The following DNAAF1 variants were observed in gnomAD, a reference collection of about 807,000 sequenced individuals.
DNAAF1 encodes the protein dynein assembly factor 1, axonemal.
In DNAAF1, 65 loss-of-function variants were observed where a neutral mutation model predicts 71.1. The ratio of observed to expected loss-of-function variants is 0.91; its 90% CI spans 0.75 to 1.12. The LOEUF (loss-of-function observed/expected upper bound fraction) is 1.12, where lower values mean the gene tolerates loss of function less well. Ranked by LOEUF, DNAAF1 falls within the 50% of genes most tolerant of loss-of-function variation. DNAAF1 has a pLI of 0.00. For synonymous variants in DNAAF1, 414 were observed against 354.6 expected, an observed-to-expected ratio of 1.17 and a Z score of -1.88; for missense variants, 1,178 against 899.8, an observed-to-expected ratio of 1.31 and a Z score of -3.96.
chr16:84,168,509 C>T (rs1351550069), intron 7 of DNAAF1, among the ~76,000 whole-genome samples: 1 of 152,126 alleles, frequency 6.6e-6, no homozygotes, highest in Non-Finnish European at 1.5e-5. Context: ...AACTCCTGGC[C>T]TCAAGCAGTC....
chr16:84,153,323 A>G (rs1597413141), intron 3 of DNAAF1, among the ~76,000 whole-genome samples: 2 of 152,360 alleles, frequency 1.3e-5, no homozygotes, highest in East Asian at 3.9e-4. Flanking sequence ...TGACCTATGC[A>G]GCAAACCACA....
At chr16:84,147,099 T>C (rs1398817139) in intron 1 of DNAAF1, among the ~76,000 whole-genome samples, 1 of 152,240 alleles carries the variant, frequency 6.6e-6, no homozygotes, top group Non-Finnish European at 1.5e-5. Context: ...TCTCCTCATC[T>C]GTAAGCTGGA....
At chr16:84,150,053 G>A (rs763073917) in intron 2 of DNAAF1, among the ~76,000 whole-genome samples, 198 bp from the exon 3 acceptor site, 65 of 151,586 alleles carry the variant, frequency 4.3e-4, no homozygotes, top group Non-Finnish European at 7.8e-4. Context: ...AATAATATTC[G>A]ATGAGGCCCT....
At position 84,155,622 on chromosome 16, in the gene DNAAF1, A is replaced by G. The variant is rs1035803184; in HGVS notation, c.614A>G (p.Asn205Ser). 5.6e-6 allele frequency: 9 copies of G among 1,614,000 alleles called. No individual in the cohort carries two copies. The highest frequency in any genetic ancestry group is 7.6e-6 in the Non-Finnish European group (9 of 1,180,028). ...PVLNTLQMAH[N>S]HLETVEDIQH... Reference sequence around the variant, plus strand: ...CTGAACACATTGCAGATGGCCCACAATCACCTGGAGACCGTGGAGGACATT... The same window carrying G: ...CTGAACACATTGCAGATGGCCCACAGTCACCTGGAGACCGTGGAGGACATT... Residue 205 changes from asparagine (N) to serine (S), a missense_variant, in exon 5 of 12, where the codon AAT becomes AGT. Asn to Ser is a conservative substitution (Grantham distance 46). Coordinates refer to ENST00000378553, the MANE Select transcript of DNAAF1 (RefSeq NM_178452.6).
chr16:84,167,088 A>G (rs2088048737), intron 7 of DNAAF1, among the ~76,000 whole-genome samples: 1 of 152,174 alleles, frequency 6.6e-6, no homozygotes, highest in Non-Finnish European at 1.5e-5. Context: ...TTCTAACAGA[A>G]TGGCTATAAA....
chr16:84,168,037 A>C (rs1230930878), intron 7 of DNAAF1, among the ~76,000 whole-genome samples: 1 of 152,002 alleles, frequency 6.6e-6, no homozygotes, highest in East Asian at 1.9e-4. Context: ...AAAACCCCAC[A>C]AATCTGTTTT....
chr16:84,163,363 T>A (rs1471396705), intron 6 of DNAAF1, among the ~76,000 whole-genome samples: 2 of 147,598 alleles, frequency 1.4e-5, no homozygotes, highest in East Asian at 2.0e-4. Flanking sequence ...GTCTTTTTTT[T>A]CCTCTCTCTC....
At chr16:84,150,164 A>G (rs1597401875) in intron 2 of DNAAF1, 87 bp from the exon 3 acceptor site, 1 of 975,798 alleles carries the variant, frequency 1.0e-6, no homozygotes, top group Non-Finnish European at 1.6e-6. Flanking sequence ...AATTTTGGGC[A>G]GGAATGGATG....
chr16:84,150,024 C>CAA (rs1256195166), intron 2 of DNAAF1, among the ~76,000 whole-genome samples: 1 of 117,362 alleles, frequency 8.5e-6, no homozygotes, highest in African/African-American at 3.2e-5. Context: ...GACTCTGTCT[C>CAA]AAAAAAAAAA....
intron 8 of DNAAF1, 21 bp downstream of exon 8, chr16:84,170,377 C>A: frequency 1.2e-6 from 2 of 1,613,340 alleles, no homozygotes; most frequent in Non-Finnish European, 1.7e-6. Flanking sequence ...CGGAGAAACA[C>A]ACACAGACAC....
Position 84,155,722 on chromosome 16 carries a change from GA to G in DNAAF1, c.715del (p.Ser239AlafsTer12), listed in dbSNP as rs758650222. 7.4e-6 allele frequency: 12 copies of G among 1,613,974 alleles called. No homozygotes were observed. The highest frequency in any genetic ancestry group is 9.3e-6 in the Non-Finnish European group (11 of 1,180,028). ...HNKLSDPEIL[S>X]ILESMPDLRV... ...ACAAGCTGAGTGACCCGGAGATCCTGAGCATTCTGGAAAGCATGCCCGATTT... is the reference window on the plus strand; with the variant it reads ...ACAAGCTGAGTGACCCGGAGATCCTGGCATTCTGGAAAGCATGCCCGATTT... On this transcript the variant is annotated frameshift_variant, in exon 5 of 12. Transcript: ENST00000378553. LOFTEE classifies it high-confidence loss of function.
intron 5 of DNAAF1, 136 bp from the exon 6 acceptor site, chr16:84,159,539 C>T: frequency 8.1e-7 from 1 of 1,234,836 alleles, no homozygotes; most frequent in Non-Finnish European, 1.1e-6. Context: ...CCCATCAAGT[C>T]ACCAGGACAG....
At chr16:84,154,454 C>T in intron 3 of DNAAF1, 123 bp from the exon 4 acceptor site, 1 of 858,372 alleles carries the variant, frequency 1.2e-6, no homozygotes, top group Non-Finnish European at 1.9e-6. Context: ...GTTAGGATTT[C>T]AATGTATGAA....
intron 11 of DNAAF1, 131 bp downstream of exon 11, chr16:84,176,430 C>T: frequency 7.4e-7 from 1 of 1,354,352 alleles, no homozygotes; most frequent in Non-Finnish European, 1.0e-6. Context: ...GGACAGACCA[C>T]ACAGATCCTC....
chr16:84,165,112 T>C (rs1182429036), intron 6 of DNAAF1, among the ~76,000 whole-genome samples: 1 of 152,228 alleles, frequency 6.6e-6, no homozygotes. Flanking sequence ...TGTTTCCTTA[T>C]CTTTGAATTT....
chr16:84,150,445 C>G (rs1658925328), intron 3 of DNAAF1, 103 bp downstream of exon 3: 1 of 882,420 alleles, frequency 1.1e-6, no homozygotes, highest in South Asian at 1.4e-5. Flanking sequence ...CAGAATGTAT[C>G]TAAGCAGGAA....
intron 9 of DNAAF1, chr16:84,172,757 T>TTACATTGTATCTTTA: frequency 5.2e-6 from 6 of 1,148,666 alleles, no homozygotes; most frequent in Non-Finnish European, 5.4e-6. Flanking sequence ...GTATCATCAG[T>TTACATTGTATCTTTA]TACATTGTAT....
chr16:84,172,568 T>G, intron 9 of DNAAF1, 193 bp downstream of exon 9: 1 of 1,421,008 alleles, frequency 7.0e-7, no homozygotes, highest in Middle Eastern at 2.6e-4. Flanking sequence ...AGAATCCAAC[T>G]TTCATGCACT....
intron 11 of DNAAF1, 111 bp downstream of exon 11, chr16:84,176,410 G>T: frequency 2.0e-6 from 3 of 1,507,496 alleles, no homozygotes; most frequent in Non-Finnish European, 2.7e-6. Flanking sequence ...GTTGCTGGAG[G>T]GGTCACCCAG....
Sources: allele counts gnomAD v4.1 joint callset (sites outside exome capture counted in the v4.1 genomes callset), GRCh38; gene constraint gnomAD v4.1.1; transcripts MANE v1.5; gene names NCBI Gene and HGNC (gene_info 2026-07-23, HGNC 2026-07-21).